SYNRG: variants seen among roughly 807,000 people sequenced by gnomAD.
SYNRG encodes synergin gamma, also known as AP1 gamma subunit binding protein 1.
A neutral mutation model predicts 130.9 loss-of-function variants in SYNRG; 37 were observed. The ratio of observed to expected loss-of-function variants is 0.28; its 90% CI spans 0.22 to 0.37. SYNRG has a LOEUF of 0.37. Ranked by LOEUF, SYNRG falls within the 10% of genes least tolerant of loss-of-function variation. The probability of loss-of-function intolerance (pLI) is 1.00; values close to 1 mark genes in which losing one functional copy is unlikely to be tolerated. For missense variants in SYNRG, 1,338 were observed against 1,588.9 expected, an observed-to-expected ratio of 0.84 and a Z score of 2.68; for synonymous variants, 539 against 568.1, an observed-to-expected ratio of 0.95 and a Z score of 0.73.
chr17:37,584,467 T>G (rs1416701029), intron 6 of SYNRG, 181 bp downstream of exon 6: 1 of 483,618 alleles, frequency 2.1e-6, no homozygotes, highest in Non-Finnish European at 3.8e-6. Context: ...CCCAAGACAG[T>G]TGTTATCCAG....
At chr17:37,531,800 C>A (rs997586585) in intron 19 of SYNRG, among the ~76,000 whole-genome samples, 1 of 151,902 alleles carries the variant, frequency 6.6e-6, no homozygotes. Context: ...AAAAAAAATC[C>A]AGTGTCTCAT....
In SYNRG at chr17:37,596,355, A is replaced by G. The variant is rs756174950; in HGVS notation, c.119-11T>C. 6 of 1,613,206 alleles carry G rather than the reference A, an allele frequency of 3.7e-6. No homozygotes were observed. The highest frequency in any genetic ancestry group is 1.6e-4 in the Middle Eastern group (1 of 6,080). ...TCGGCATCAGGCCTGCTGAAAATAT[A>G]AAGACATTATTAAAGTCAATGTGTT... On this transcript the variant is annotated splice_polypyrimidine_tract_variant and intron_variant, in intron 2 of 21. Transcript: ENST00000612223.
At chr17:37,604,229 G>A (rs1177954561) in intron 1 of SYNRG, among the ~76,000 whole-genome samples, 2 of 138,064 alleles carry the variant, frequency 1.4e-5, no homozygotes, top group African/African-American at 2.8e-5. Context: ...GACAGAGTGA[G>A]ACTCTGTCTA....
At chr17:37,567,819 A>G (rs2060108420) in intron 11 of SYNRG, 1 of 152,236 alleles carries the variant, frequency 6.6e-6, no homozygotes, top group Non-Finnish European at 1.5e-5. Context: ...TATTCTGACA[A>G]TAACAAATTC....
At chr17:37,600,793 C>G (rs561032750) in intron 1 of SYNRG, 1 of 286,370 alleles carries the variant, frequency 3.5e-6, no homozygotes, top group African/African-American at 2.2e-5. Flanking sequence ...ATAACTATAC[C>G]ACAGGGTAAA....
intron 4 of SYNRG, 142 bp from the exon 5 acceptor site, chr17:37,585,572 G>A (rs548788486): frequency 5.0e-6 from 3 of 598,490 alleles, no homozygotes; most frequent in Admixed American, 3.3e-5. Context: ...GTTTTCTTAC[G>A]ACAATCCTGT....
chr17:37,605,823 T>C, intron 1 of SYNRG: 5 of 985,396 alleles, frequency 5.1e-6, no homozygotes, highest in Non-Finnish European at 6.0e-6. Context: ...GTCACTTACC[T>C]ATCTCATCCG....
intron 9 of SYNRG, among the ~76,000 whole-genome samples, chr17:37,571,282 T>C (rs1002181519): frequency 6.6e-6 from 1 of 152,178 alleles, no homozygotes; most frequent in Non-Finnish European, 1.5e-5. Flanking sequence ...CAGAGAATGT[T>C]AATATTAAAA....
At chr17:37,570,212 C>G (rs1057392215) in intron 10 of SYNRG, among the ~76,000 whole-genome samples, 2 of 134,362 alleles carry the variant, frequency 1.5e-5, no homozygotes, top group African/African-American at 5.6e-5. Context: ...ATGGTGTGAT[C>G]GTAATCATAG....
At chr17:37,535,124 A>C (rs1197557777) in intron 19 of SYNRG, among the ~76,000 whole-genome samples, 1 of 152,214 alleles carries the variant, frequency 6.6e-6, no homozygotes, top group Non-Finnish European at 1.5e-5. Context: ...AATCTATTAC[A>C]AATATGAAAT....
In SYNRG at chr17:37,541,137, A is replaced by C. The variant is rs917208960; in HGVS notation, c.3203-594T>G. ...GTGCAGAATCACTGGAGTCTGGAGA[A>C]CAAAAGCACCTTTCTAAATATCAGT... On this transcript the variant is annotated intron_variant, in intron 15 of 21. Transcript: ENST00000612223. 4.1e-6 allele frequency: 4 copies of C among 985,400 alleles called. No individual in the cohort carries two copies. The Admixed American group carries it at 2.5e-4, about 61-fold the overall frequency. The allele number at this position is 985,400 out of a possible 1,614,324, so 61.0% of individuals were successfully genotyped here.
At chr17:37,605,890 C>A (rs551037319) in intron 1 of SYNRG, 19 of 985,480 alleles carry the variant, frequency 1.9e-5, no homozygotes, top group Non-Finnish European at 2.2e-5. Context: ...GGCTTCACTT[C>A]TTAGGCCTAA....
At chr17:37,550,417 A>G (rs1285623355) in intron 14 of SYNRG, among the ~76,000 whole-genome samples, 1 of 152,234 alleles carries the variant, frequency 6.6e-6, no homozygotes, top group Non-Finnish European at 1.5e-5. Flanking sequence ...TAGTCTTAGG[A>G]TACTATTGCT....
chr17:37,519,094 T>C, intron 21 of SYNRG, 23 bp from the exon 22 acceptor site: 1 of 1,609,046 alleles, frequency 6.2e-7, no homozygotes, highest in African/African-American at 1.3e-5. Flanking sequence ...AACAGAGATG[T>C]GGGGCAAGTC....
chr17:37,537,865 G>A (rs141454718), intron 18 of SYNRG, among the ~76,000 whole-genome samples: 63 of 152,356 alleles, frequency 4.1e-4, no homozygotes, highest in Admixed American at 1.8e-3. Flanking sequence ...CCAAGCCTGA[G>A]CTTGGGGAAG....
chr17:37,602,019 T>A (rs920796496), intron 1 of SYNRG, among the ~76,000 whole-genome samples: 1 of 150,844 alleles, frequency 6.6e-6, no homozygotes, highest in Admixed American at 6.6e-5. Flanking sequence ...CCGTCTCAAA[T>A]AAATAAATAA....
chr17:37,519,174 T>G, intron 21 of SYNRG, 103 bp from the exon 22 acceptor site: 1 of 1,491,858 alleles, frequency 6.7e-7, no homozygotes, highest in East Asian at 2.3e-5. Flanking sequence ...TCACAGAGGC[T>G]GAGGCCAAAA....
intron 13 of SYNRG, among the ~76,000 whole-genome samples, chr17:37,560,987 G>C (rs983341853): frequency 1.1e-4 from 17 of 151,978 alleles, no homozygotes; most frequent in Admixed American, 7.9e-4. Flanking sequence ...CTATTATTAA[G>C]GTTTTTTGAA....
At chr17:37,580,620 C>T (rs2061253770) in intron 6 of SYNRG, among the ~76,000 whole-genome samples, 2 of 152,056 alleles carry the variant, frequency 1.3e-5, no homozygotes, top group Admixed American at 6.6e-5. Context: ...CTGCAACCTC[C>T]ACCTCCTGGG....
Sources: allele counts gnomAD v4.1 joint callset (sites outside exome capture counted in the v4.1 genomes callset), GRCh38; gene constraint gnomAD v4.1.1; transcripts MANE v1.5; gene names NCBI Gene and HGNC (gene_info 2026-07-23, HGNC 2026-07-21).